CPHXL: variants seen among roughly 807,000 people sequenced by gnomAD.
The protein encoded by CPHXL is cytoplasmic polyadenylated homeobox like.
At chr16:75,719,236 G>C (rs1567528618) in intron 1 of CPHXL, among the ~76,000 whole-genome samples, 1 of 152,190 alleles carries the variant, frequency 6.6e-6, no homozygotes, top group African/African-American at 2.4e-5. Context: ...CATCTCACTG[G>C]GGAGTGTTGG....
chr16:75,719,552 G>A (rs1053518532), intron 1 of CPHXL, among the ~76,000 whole-genome samples: 2 of 151,920 alleles, frequency 1.3e-5, no homozygotes, highest in African/African-American at 4.9e-5. Context: ...AGCGAGCCTG[G>A]AGGAGGGGCG....
intron 1 of CPHXL, among the ~76,000 whole-genome samples, chr16:75,719,067 T>C (rs181148221): frequency 8.5e-5 from 13 of 152,130 alleles, no homozygotes; most frequent in African/African-American, 2.7e-4. Flanking sequence ...AAATTAAACA[T>C]GTATAAATAT....
chr16:75,725,589 A>C (rs1293053057), intron 1 of CPHXL, among the ~76,000 whole-genome samples: 1 of 151,270 alleles, frequency 6.6e-6, no homozygotes, highest in Non-Finnish European at 1.5e-5. Context: ...AGTAGCTGGG[A>C]CTACAGGCGC....
intron 2 of CPHXL, among the ~76,000 whole-genome samples, chr16:75,718,053 T>C (rs890758143): frequency 9.9e-6 from 1 of 101,050 alleles, no homozygotes; most frequent in Admixed American, 1.1e-4. Flanking sequence ...TGAGACCCCA[T>C]TTTTTACAAA....
intron 2 of CPHXL, among the ~76,000 whole-genome samples, 175 bp downstream of exon 2, chr16:75,718,090 T>C (rs2151838787): frequency 6.6e-6 from 1 of 151,982 alleles, no homozygotes; most frequent in South Asian, 2.1e-4. Context: ...GGGTGGTGTG[T>C]GCCTGTAGTC....
At chr16:75,722,437 C>G (rs1184145648) in intron 1 of CPHXL, among the ~76,000 whole-genome samples, 1 of 152,050 alleles carries the variant, frequency 6.6e-6, no homozygotes, top group South Asian at 2.1e-4. Context: ...ATCACTGATC[C>G]CACAGAAATA....
intron 1 of CPHXL, among the ~76,000 whole-genome samples, chr16:75,725,575 C>T (rs1288712622): frequency 6.6e-6 from 1 of 151,772 alleles, no homozygotes; most frequent in African/African-American, 2.4e-5. Flanking sequence ...GCCTCAGCCT[C>T]CCAAGTAGCT....
At chr16:75,720,296 A>G (rs75717630) in intron 1 of CPHXL, among the ~76,000 whole-genome samples, 1 of 152,194 alleles carries the variant, frequency 6.6e-6, no homozygotes, top group Non-Finnish European at 1.5e-5. Flanking sequence ...CAGACGATCA[A>G]ACTACTCCGA....
At chr16:75,719,188 A>T (rs976721011) in intron 1 of CPHXL, among the ~76,000 whole-genome samples, 4 of 152,232 alleles carry the variant, frequency 2.6e-5, no homozygotes, top group Non-Finnish European at 4.4e-5. Flanking sequence ...AACACAGAAG[A>T]CAGGTGATTT....
intron 1 of CPHXL, among the ~76,000 whole-genome samples, chr16:75,720,402 C>T (rs952152896): frequency 5.9e-5 from 9 of 152,030 alleles, no homozygotes; most frequent in South Asian, 2.1e-4. Context: ...GCAGGGAAGT[C>T]GTTAAAGGAC....
At chr16:75,719,540 G>T (rs533248793) in intron 1 of CPHXL, among the ~76,000 whole-genome samples, 2 of 152,274 alleles carry the variant, frequency 1.3e-5, no homozygotes, top group East Asian at 3.9e-4. Flanking sequence ...CTGCAGGGTG[G>T]CAGCGAGCCT....
Position 75,716,396 on chromosome 16 carries a change from C to T in CPHXL, c.220-1174G>A, listed in dbSNP as rs373306425. ...GGCTGACTGGCTTCAGGTCAGGGCT[C>T]CTGCTGACCTCCTCTCTGGGTTTGA... is the stretch of plus-strand genomic sequence containing the variant. On this transcript the variant is annotated intron_variant, in intron 2 of 2. Coordinates refer to ENST00000640559, the MANE Select transcript of CPHXL (RefSeq NM_001355613.1). 1.1e-3 allele frequency among the ~76,000 whole-genome samples: 161 copies of T among 152,342 alleles called. 1 individual carries two copies. Among genetic ancestry groups the T allele is most frequent in the African/African-American group, 3.7e-3 (153 of 41,582 alleles).
intron 1 of CPHXL, among the ~76,000 whole-genome samples, chr16:75,722,614 C>A (rs1360389335): frequency 6.6e-6 from 1 of 151,450 alleles, no homozygotes; most frequent in Non-Finnish European, 1.5e-5. Context: ...GCAATAATAG[C>A]TTACCAACCA....
chr16:75,725,753 C>CTT lies in CPHXL; in HGVS notation c.25+663_25+664dup, dbSNP rs35659823. Among the ~76,000 whole-genome samples the CTT allele has an allele frequency of 3.6e-3, 154 of 43,318 alleles. 16 individuals carry two copies. The highest frequency in any genetic ancestry group is 0.02 in the East Asian group (12 of 590). The allele number at this position is 43,318 out of a possible 152,430, so 28.4% of individuals were successfully genotyped here. A position where few individuals can be genotyped will look rare whatever the true frequency, so the allele number is the denominator to read the frequency against. The stretch of plus-strand genomic sequence containing the variant: ...AGGAGTGAGCCACCGTGCCCGGCGT[C>CTT]TTTTTTTTTTTTTTTTTTTTTTTTT... On this transcript the variant is annotated intron_variant, in intron 1 of 2. Transcript: ENST00000640559.
chr16:75,718,153 G>A, intron 2 of CPHXL, 112 bp downstream of exon 2: 1 of 393,052 alleles, frequency 2.5e-6, no homozygotes, highest in East Asian at 3.6e-5. Flanking sequence ...GGAAAATGGA[G>A]GCTGCAGTGA....
chr16:75,722,949 C>T (rs138928821), intron 1 of CPHXL, among the ~76,000 whole-genome samples: 16,640 of 152,094 alleles, frequency 0.11, 2,295 homozygotes, highest in East Asian at 0.64. Flanking sequence ...GTTCAACATA[C>T]GAAAATCAAT....
intron 2 of CPHXL, among the ~76,000 whole-genome samples, chr16:75,716,455 A>G (rs1182024485): frequency 6.6e-6 from 1 of 152,186 alleles, no homozygotes; most frequent in Non-Finnish European, 1.5e-5. Flanking sequence ...GAACTAAGTG[A>G]AACACTTAGG....
intron 2 of CPHXL, among the ~76,000 whole-genome samples, chr16:75,716,517 A>G (rs1959394923): frequency 6.6e-6 from 1 of 152,220 alleles, no homozygotes. Context: ...GAAGAGATGC[A>G]TAGGGTGAGA....
chr16:75,720,120 G>T (rs1054981496), intron 1 of CPHXL, among the ~76,000 whole-genome samples: 1 of 152,150 alleles, frequency 6.6e-6, no homozygotes, highest in Non-Finnish European at 1.5e-5. Flanking sequence ...CATCATCAAA[G>T]ACCAAAGGTA....
Sources: allele counts gnomAD v4.1 joint callset (sites outside exome capture counted in the v4.1 genomes callset), GRCh38; gene constraint gnomAD v4.1.1; transcripts MANE v1.5; gene names NCBI Gene and HGNC (gene_info 2026-07-23, HGNC 2026-07-21).